MGAT4D: variants seen among roughly 807,000 people sequenced by gnomAD.
MGAT4D encodes MGAT4 family member D.
A neutral mutation model predicts 15.9 loss-of-function variants in MGAT4D; 34 were observed. The observed-to-expected ratio is 2.14, with a 90% CI of 1.62 to 2.84. MGAT4D has a LOEUF of 2.84. MGAT4D is among the 30% of genes most tolerant of loss of function. MGAT4D has a pLI of 0.00. For missense variants in MGAT4D, 327 were observed against 140.2 expected (o/e 2.33, Z -6.73); for synonymous variants, 112 against 48.2 (o/e 2.33, Z -5.49).
At chr4:140,469,370 A>C (rs1237472751) in intron 5 of MGAT4D, among the ~76,000 whole-genome samples, 1 of 152,230 alleles carries the variant, frequency 6.6e-6, no homozygotes, top group Non-Finnish European at 1.5e-5. Context: ...ACATTTATTT[A>C]ATAAGCACAA....
chr4:140,453,952 G>T (rs1730631867), intron 9 of MGAT4D, among the ~76,000 whole-genome samples: 1 of 151,912 alleles, frequency 6.6e-6, no homozygotes, highest in Non-Finnish European at 1.5e-5. Context: ...ATGGAGTTTT[G>T]TGTGTATAGA....
At chr4:140,445,282 TACTG>T (rs1039552985) in intron 10 of MGAT4D, among the ~76,000 whole-genome samples, 2 of 152,308 alleles carry the variant, frequency 1.3e-5, no homozygotes, top group African/African-American at 4.8e-5. Flanking sequence ...TGCTTAGTGA[TACTG>T]AGCATTTTTT....
chr4:140,490,533 G>C (rs1012362364), intron 1 of MGAT4D, among the ~76,000 whole-genome samples: 2 of 152,162 alleles, frequency 1.3e-5, no homozygotes, highest in Non-Finnish European at 2.9e-5. Context: ...CCTCCAATTA[G>C]ACCCTGCCAA....
Position 140,482,357 on chromosome 4 carries a change from T to TAATTTCATACTTCATTCGATTC in MGAT4D, c.201_222dup (p.Thr75GlufsTer6). On this transcript the variant is annotated stop_gained and frameshift_variant, in exon 2 of 11. Transcript: ENST00000511113. LOFTEE classifies it high-confidence loss of function. ...TTTCCTGACAAAATTTCTCTCTTTG[T>TAATTTCATACTTCATTCGATTC]AATTTCATACTTCATTCGATTCAAA... The TAATTTCATACTTCATTCGATTC allele has an allele frequency of 1.6e-6, 1 of 640,860 alleles. No individual in the cohort carries two copies. Among genetic ancestry groups the TAATTTCATACTTCATTCGATTC allele is most frequent in the Non-Finnish European group, 2.8e-6 (1 of 363,520 alleles). 39.7% of individuals were successfully genotyped at this position (640,860 alleles called of 1,614,324 possible). A position where few individuals can be genotyped will look rare whatever the true frequency, so the allele number is the denominator to read the frequency against.
rs186065539 is a variant in MGAT4D, at chr4:140,456,175, G to A, written c.1008+414C>T. ...TACTACTGCAAATCTCCTTTGATTT[G>A]TGTTTGTATGGTATATATTTTTTTC... On this transcript the variant is annotated intron_variant, in intron 9 of 10. Coordinates refer to ENST00000511113, the MANE Select transcript of MGAT4D (RefSeq NM_001277353.2). Among the ~76,000 whole-genome samples the A allele has an allele frequency of 4.5e-4, 68 of 152,188 alleles. 1 individual carries two copies. The highest frequency in any genetic ancestry group is 1.3e-3 in the Admixed American group (20 of 15,276).
chr4:140,460,341 T>C (rs1352469629), intron 7 of MGAT4D, among the ~76,000 whole-genome samples: 2 of 152,158 alleles, frequency 1.3e-5, no homozygotes, highest in Non-Finnish European at 1.5e-5. Flanking sequence ...CTAGCAGGCT[T>C]ATGTCTGCTG....
intron 1 of MGAT4D, among the ~76,000 whole-genome samples, chr4:140,488,320 C>T (rs1733277945): frequency 6.6e-6 from 1 of 152,128 alleles, no homozygotes; most frequent in South Asian, 2.1e-4. Context: ...TTGCCATGTG[C>T]TATGTATGTG....
At chr4:140,462,076 T>TA (rs1270874407) in intron 6 of MGAT4D, 72 bp from the exon 7 acceptor site, 13 of 649,392 alleles carry the variant, frequency 2.0e-5, no homozygotes, top group African/African-American at 2.0e-4. Context: ...CTTTAGTAAT[T>TA]AAAAAACTCT....
At chr4:140,476,215 TC>T (rs1350842762) in intron 3 of MGAT4D, among the ~76,000 whole-genome samples, 8 of 152,332 alleles carry the variant, frequency 5.3e-5, no homozygotes, top group South Asian at 4.1e-4. Context: ...GTATTGATAC[TC>T]TTTATATATT....
chr4:140,475,803 CTTTCT>C (rs1214886097), intron 3 of MGAT4D, among the ~76,000 whole-genome samples: 4 of 137,438 alleles, frequency 2.9e-5, no homozygotes, highest in African/African-American at 1.1e-4. Flanking sequence ...TGTTTATTGG[CTTTCT>C]TTTTTTTTTT....
chr4:140,452,404 G>A (rs2126683581), intron 9 of MGAT4D, among the ~76,000 whole-genome samples: 1 of 152,138 alleles, frequency 6.6e-6, no homozygotes, highest in African/African-American at 2.4e-5. Flanking sequence ...GTAATTTAAT[G>A]GTCTAGAGTT....
intron 6 of MGAT4D, among the ~76,000 whole-genome samples, chr4:140,464,163 G>A (rs1425331797): frequency 6.6e-6 from 1 of 152,170 alleles, no homozygotes; most frequent in East Asian, 1.9e-4. Flanking sequence ...CCTAGATTCT[G>A]ACACACCATT....
At position 140,493,989 on chromosome 4, in the gene MGAT4D, C is replaced by A. The variant is rs560926145; in HGVS notation, c.94+4140G>T. 2.6e-5 allele frequency among the ~76,000 whole-genome samples: 4 copies of A among 152,264 alleles called. No homozygotes were observed. In the East Asian group the frequency reaches 7.7e-4, roughly 29 times the overall value. The stretch of plus-strand genomic sequence containing the variant: ...CAGGATTGTCAATGGAAGTGGCAGG[C>A]AAGTGTTGGCTTTTCCAAGGGAGGT... On this transcript the variant is annotated intron_variant, in intron 1 of 10. Transcript: ENST00000511113.
At position 140,444,435 on chromosome 4, in the gene MGAT4D, T is replaced by C. The variant is rs184236643; in HGVS notation, c.1117-991A>G. ...ACCTCTATGTGTCCATGCGTTCTCATCATTTAGCTGCTACTTATAGGTGAG... is the reference window on the plus strand; with the variant it reads ...ACCTCTATGTGTCCATGCGTTCTCACCATTTAGCTGCTACTTATAGGTGAG... On this transcript the variant is annotated intron_variant, in intron 10 of 10. Transcript: ENST00000511113. Among the ~76,000 whole-genome samples, 892 of 152,298 alleles carry C rather than the reference T, an allele frequency of 5.9e-3. 3 individuals are homozygous for C. Among genetic ancestry groups the C allele is most frequent in the Non-Finnish European group, 8.7e-3 (589 of 68,022 alleles).
intron 1 of MGAT4D, among the ~76,000 whole-genome samples, chr4:140,487,141 G>C (rs1028256184): frequency 2.6e-5 from 4 of 152,092 alleles, no homozygotes; most frequent in Non-Finnish European, 5.9e-5. Context: ...TTTTTCCCTG[G>C]TAATTCATTC....
At chr4:140,487,212 A>T (rs1733200278) in intron 1 of MGAT4D, among the ~76,000 whole-genome samples, 1 of 152,236 alleles carries the variant, frequency 6.6e-6, no homozygotes, top group Admixed American at 6.5e-5. Context: ...TTTAGTGAGG[A>T]TGAAATGTTA....
At chr4:140,471,708 G>C in intron 5 of MGAT4D, 67 bp downstream of exon 5, 1 of 342,208 alleles carries the variant, frequency 2.9e-6, no homozygotes, top group Non-Finnish European at 5.3e-6. Context: ...TTATACAATT[G>C]GACAGAAAAA....
rs755298844 is a variant in MGAT4D at position 140,474,835 on chromosome 4, A to G, written c.503T>C (p.Val168Ala). Residue 168 changes from valine to alanine, a missense_variant, in exon 4 of 11, where the codon GTA (valine) becomes GCA (alanine). Val to Ala is a moderately conservative substitution (Grantham distance 64, BLOSUM62 0). Transcript: ENST00000511113. Reference sequence around the variant, plus strand: ...TACATCTGCAACCAAGACAATCACTACAGAATCCTTCTCTTGGGAGAGCGT... The same window carrying G: ...TACATCTGCAACCAAGACAATCACTGCAGAATCCTTCTCTTGGGAGAGCGT... Reference protein sequence around the residue: ...RMTLSQEKDSVVIVLVADSNE... With the variant: ...RMTLSQEKDSAVIVLVADSNE... 1.2e-5 allele frequency: 8 copies of G among 695,174 alleles called. No individual in the cohort carries two copies. Among genetic ancestry groups the G allele is most frequent in the East Asian group, 1.1e-4 (4 of 36,826 alleles). The allele number at this position is 695,174 out of a possible 1,614,324, so 43.1% of individuals were successfully genotyped here.
chr4:140,471,048 C>T (rs1731904924), intron 5 of MGAT4D, among the ~76,000 whole-genome samples: 1 of 151,936 alleles, frequency 6.6e-6, no homozygotes, highest in Admixed American at 6.6e-5. Context: ...CCAGGCTCGG[C>T]TTAATTTTGG....
Sources: allele counts gnomAD v4.1 joint callset (sites outside exome capture counted in the v4.1 genomes callset), GRCh38; gene constraint gnomAD v4.1.1; transcripts MANE v1.5; gene names NCBI Gene and HGNC (gene_info 2026-07-23, HGNC 2026-07-21).